Variants in TIAM2 observed in about 807,000 individuals in gnomAD.
TIAM2 encodes the protein TIAM Rac1 associated GEF 2.
Under a neutral mutation model 152.9 loss-of-function variants are expected in TIAM2, and 80 were observed. The observed-to-expected ratio is 0.52, with a 90% CI of 0.44 to 0.63. The LOEUF (loss-of-function observed/expected upper bound fraction) is 0.63, where lower values mean the gene tolerates loss of function less well. Ranked by LOEUF, TIAM2 falls within the 30% of genes least tolerant of loss-of-function variation. The probability of loss-of-function intolerance (pLI) is 0.00; values close to 1 mark genes in which losing one functional copy is unlikely to be tolerated. For synonymous variants in TIAM2, 804 were observed against 838.0 expected (o/e 0.96, Z 0.70); for missense variants, 1,965 against 2,120.1 (o/e 0.93, Z 1.44).
intron 1 of TIAM2, among the ~76,000 whole-genome samples, chr6:155,082,751 A>G (rs1446046653): frequency 6.6e-6 from 1 of 152,082 alleles, no homozygotes; most frequent in Non-Finnish European, 1.5e-5. Flanking sequence ...ATGGATAGAT[A>G]TCATGTCTTT....
chr6:155,037,161 A>G (rs1370177235), intron 1 of TIAM2, among the ~76,000 whole-genome samples: 2 of 152,120 alleles, frequency 1.3e-5, no homozygotes, highest in East Asian at 3.9e-4. Flanking sequence ...TTCTTGAACT[A>G]TTGCTTGTAA....
chr6:155,016,595 A>T (rs1361786708), intron 1 of TIAM2, among the ~76,000 whole-genome samples: 1 of 151,862 alleles, frequency 6.6e-6, no homozygotes, highest in Admixed American at 6.6e-5. Flanking sequence ...TTAAATGGTA[A>T]ATTAAAAAAA....
chr6:155,236,723 T>G (rs537359030), intron 15 of TIAM2, among the ~76,000 whole-genome samples: 2 of 152,152 alleles, frequency 1.3e-5, no homozygotes, highest in African/African-American at 4.8e-5. Flanking sequence ...CAAAGAGAGC[T>G]TGTGCAGAGA....
intron 12 of TIAM2, among the ~76,000 whole-genome samples, chr6:155,181,927 G>T (rs1444615693): frequency 6.6e-6 from 1 of 152,162 alleles, no homozygotes; most frequent in Non-Finnish European, 1.5e-5. Context: ...TCCGTCTATT[G>T]ACAGACAGTT....
chr6:155,198,378 T>A (rs1269498891), intron 14 of TIAM2, among the ~76,000 whole-genome samples: 1 of 152,186 alleles, frequency 6.6e-6, no homozygotes, highest in Non-Finnish European at 1.5e-5. Flanking sequence ...AATCTCTTAA[T>A]GAGGCCGGGC....
chr6:155,062,293 A>G (rs1777600457), intron 1 of TIAM2, among the ~76,000 whole-genome samples: 1 of 152,180 alleles, frequency 6.6e-6, no homozygotes, highest in Admixed American at 6.5e-5. Context: ...AAGCTGCTAT[A>G]AACAATTGTG....
At chr6:155,133,509 T>C (rs1395491808) in intron 4 of TIAM2, among the ~76,000 whole-genome samples, 1 of 152,146 alleles carries the variant, frequency 6.6e-6, no homozygotes, top group Non-Finnish European at 1.5e-5. Context: ...TAGAATATAG[T>C]GTTATTAACT....
At chr6:155,026,869 G>A (rs1440309744) in intron 1 of TIAM2, among the ~76,000 whole-genome samples, 1 of 152,162 alleles carries the variant, frequency 6.6e-6, no homozygotes, top group Non-Finnish European at 1.5e-5. Context: ...TACACATGGT[G>A]AGACGGTGTA....
rs543090826 is a variant in TIAM2 at position 155,131,347 on chromosome 6, A to T, written c.1194+930A>T. On this transcript the variant is annotated intron_variant, in intron 4 of 26. Transcript: ENST00000682666. Reference sequence around the variant, plus strand: ...GGCAACAGAGAGAGACTCTGTCTTTAAAAAAAAAAAAAAAGTAAGTACAGA... The same window carrying T: ...GGCAACAGAGAGAGACTCTGTCTTTTAAAAAAAAAAAAAAGTAAGTACAGA... 2.4e-5 allele frequency among the ~76,000 whole-genome samples: 3 copies of T among 126,928 alleles called. 1 individual carries two copies. Among genetic ancestry groups the T allele is most frequent in the South Asian group, 4.6e-4 (2 of 4,348 alleles). The allele number at this position is 126,928 out of a possible 152,430, so 83.3% of individuals were successfully genotyped here. A position where few individuals can be genotyped will look rare whatever the true frequency, so the allele number is the denominator to read the frequency against.
intron 14 of TIAM2, among the ~76,000 whole-genome samples, chr6:155,202,586 CTTTTTTTT>C (rs34052608): frequency 0.028 from 3,717 of 133,972 alleles, 66 homozygotes; most frequent in Middle Eastern, 0.05. Context: ...ACCTGGATAA[CTTTTTTTT>C]TTTTTTTTTT....
chr6:155,248,200 C>G, intron 20 of TIAM2, 21 bp downstream of exon 20: 1 of 1,608,410 alleles, frequency 6.2e-7, no homozygotes. Flanking sequence ...GGCGGCACCT[C>G]CGGGCGAGGG....
intron 14 of TIAM2, among the ~76,000 whole-genome samples, chr6:155,191,145 A>G (rs1781193351): frequency 6.6e-6 from 1 of 152,200 alleles, no homozygotes; most frequent in African/African-American, 2.4e-5. Flanking sequence ...GGTGACAGCT[A>G]AGTCCCCCTA....
At chr6:155,087,434 ATTC>A (rs1778196089) in intron 1 of TIAM2, among the ~76,000 whole-genome samples, 1 of 152,206 alleles carries the variant, frequency 6.6e-6, no homozygotes, top group Non-Finnish European at 1.5e-5. Flanking sequence ...TTGATTCAGT[ATTC>A]TTTTCTTATC....
intron 1 of TIAM2, among the ~76,000 whole-genome samples, chr6:155,035,254 G>A (rs958792799): frequency 1.4e-5 from 2 of 143,190 alleles, no homozygotes; most frequent in Non-Finnish European, 3.0e-5. Context: ...ACGGAGTCTT[G>A]CTTTGTCACC....
intron 1 of TIAM2, among the ~76,000 whole-genome samples, chr6:154,996,042 G>A (rs190291471): frequency 0.014 from 2,102 of 152,262 alleles, 28 homozygotes; most frequent in Middle Eastern, 0.051. Context: ...TCCGAGCGCG[G>A]GAGCCATCCC....
chr6:155,228,705 A>G (rs750658639), intron 15 of TIAM2, among the ~76,000 whole-genome samples: 1 of 152,104 alleles, frequency 6.6e-6, no homozygotes, highest in Admixed American at 6.5e-5. Context: ...CTTGGCAGAG[A>G]GAACATCTTA....
At chr6:155,037,356 A>G (rs1044630918) in intron 1 of TIAM2, among the ~76,000 whole-genome samples, 3 of 152,120 alleles carry the variant, frequency 2.0e-5, no homozygotes, top group African/African-American at 7.2e-5. Flanking sequence ...CTTGAGTTCA[A>G]TAGCTCTGCA....
Position 155,148,351 on chromosome 6 carries a change from C to T in TIAM2, c.2028+17C>T, listed in dbSNP as rs774295484. On this transcript the variant is annotated intron_variant, in intron 7 of 26. Transcript: ENST00000682666. ...GAGAACCAGGTACTGTTTGTCTACA[C>T]CTGAGTTTTCTTCCATTGCTCATGT... is the stretch of plus-strand genomic sequence containing the variant. 5 of 1,603,774 alleles carry T rather than the reference C, an allele frequency of 3.1e-6. No individual in the cohort carries two copies. The highest frequency in any genetic ancestry group is 4.3e-6 in the Non-Finnish European group (5 of 1,175,184).
At chr6:155,043,802 CA>C (rs1777099999) in intron 1 of TIAM2, among the ~76,000 whole-genome samples, 1 of 152,044 alleles carries the variant, frequency 6.6e-6, no homozygotes, top group South Asian at 2.1e-4. Context: ...CAATTTCTTG[CA>C]GGTTAATCAG....
Sources: allele counts gnomAD v4.1 joint callset (sites outside exome capture counted in the v4.1 genomes callset), GRCh38; gene constraint gnomAD v4.1.1; transcripts MANE v1.5; gene names NCBI Gene and HGNC (gene_info 2026-07-23, HGNC 2026-07-21).